The following PRDM16 variants were observed in gnomAD, a reference collection of about 807,000 sequenced individuals.
PRDM16 encodes the protein PR/SET domain 16.
A neutral mutation model predicts 110.6 loss-of-function variants in PRDM16; 23 were observed. That is an observed-to-expected ratio of 0.21 (90% CI 0.15 to 0.29). The LOEUF is 0.29. Ranked by LOEUF, PRDM16 falls within the 10% of genes least tolerant of loss-of-function variation. PRDM16 has a pLI of 1.00. For synonymous variants in PRDM16, 799 were observed against 781.8 expected (o/e 1.02, Z -0.37); for missense variants, 1,615 against 1,794.3 (o/e 0.90, Z 1.81).
intron 3 of PRDM16, among the ~76,000 whole-genome samples, chr1:3,268,214 G>A (rs768393773): frequency 1.3e-5 from 2 of 152,188 alleles, no homozygotes; most frequent in African/African-American, 4.8e-5. Flanking sequence ...CTCGGCGCGC[G>A]TCAGACCAGG....
chr1:3,384,260 C>T (rs1643157956), intron 3 of PRDM16, among the ~76,000 whole-genome samples: 1 of 152,168 alleles, frequency 6.6e-6, no homozygotes, highest in Non-Finnish European at 1.5e-5. Flanking sequence ...CCATCCCCTG[C>T]CCCCTGCCCT....
rs1443911399 is a variant in PRDM16, at chr1:3,181,730, GGTCTTACACACGGA to G, written c.38-4381_38-4368del. On this transcript the variant is annotated intron_variant, in intron 1 of 16. Transcript: ENST00000270722. ...GTCTTACACACGCAGTCTTACACAC[GGTCTTACACACGGA>G]GTCTTACACACGGTCTTACACACAG... Among the ~76,000 whole-genome samples the G allele has an allele frequency of 1.6e-3, 193 of 119,848 alleles. 2 individuals are homozygous for G. The highest frequency in any genetic ancestry group is 0.014 in the South Asian group (48 of 3,368). 78.6% of individuals were successfully genotyped at this position (119,848 alleles called of 152,430 possible).
rs1016743044 is a variant in PRDM16, at chr1:3,435,797, A to G, written c.*1986A>G. On this transcript the variant is annotated 3_prime_UTR_variant, in exon 17 of 17. Coordinates refer to ENST00000270722, the MANE Select transcript of PRDM16 (RefSeq NM_022114.4). The stretch of plus-strand genomic sequence containing the variant: ...TGGGTGCCGGGTGGTCCAGGCTTGC[A>G]CTGAAGACGTGCCACGGGGAGGCTC... The G allele has an allele frequency of 9.1e-5, 21 of 231,996 alleles. No homozygotes were observed. Among genetic ancestry groups the G allele is most frequent in the African/African-American group, 2.0e-4 (9 of 45,242 alleles). The allele number at this position is 231,996 out of a possible 1,614,324, so 14.4% of individuals were successfully genotyped here. A position where few individuals can be genotyped will look rare whatever the true frequency, so the allele number is the denominator to read the frequency against.
intron 3 of PRDM16, among the ~76,000 whole-genome samples, chr1:3,314,405 TGAG>T (rs1557601221): frequency 2.6e-5 from 4 of 152,144 alleles, no homozygotes; most frequent in Middle Eastern, 3.4e-3. Flanking sequence ...GTGTAGCTAA[TGAG>T]GTAGCAAAGA....
chr1:3,103,557 G>A (rs1642579964), intron 1 of PRDM16, among the ~76,000 whole-genome samples: 1 of 152,194 alleles, frequency 6.6e-6, no homozygotes, highest in African/African-American at 2.4e-5. Context: ...TGATAACCTC[G>A]CATACCGCCA....
chr1:3,145,839 A>AT (rs902066051), intron 1 of PRDM16, among the ~76,000 whole-genome samples: 2 of 151,942 alleles, frequency 1.3e-5, no homozygotes, highest in Admixed American at 1.3e-4. Flanking sequence ...TAATTATCTA[A>AT]TTTTTCTGAG....
intron 10 of PRDM16, among the ~76,000 whole-genome samples, chr1:3,417,136 A>G (rs1638286654): frequency 6.6e-6 from 1 of 152,236 alleles, no homozygotes. Flanking sequence ...AGCCCTGGGC[A>G]TCTCCAGGGA....
intron 3 of PRDM16, among the ~76,000 whole-genome samples, chr1:3,289,382 G>T (rs1640924270): frequency 6.6e-6 from 1 of 152,238 alleles, no homozygotes; most frequent in Non-Finnish European, 1.5e-5. Flanking sequence ...AGCCCCTGCA[G>T]GTGCCAGATG....
At chr1:3,276,650 C>T (rs143121573) in intron 3 of PRDM16, among the ~76,000 whole-genome samples, 50 of 152,392 alleles carry the variant, frequency 3.3e-4, no homozygotes, top group Non-Finnish European at 6.6e-4. Flanking sequence ...ATGTTCAGCT[C>T]GTCGGCCCCA....
intron 3 of PRDM16, among the ~76,000 whole-genome samples, chr1:3,318,009 A>G (rs904364768): frequency 6.6e-6 from 1 of 152,230 alleles, no homozygotes; most frequent in Non-Finnish European, 1.5e-5. Flanking sequence ...TGAGAGGCAC[A>G]TGAAAGGAAG....
At position 3,070,421 on chromosome 1, in the gene PRDM16, G is replaced by T. The variant is rs1242363013; in HGVS notation, c.37+1125G>T. ...GCAGGTGAGGACAGGCGGAGCCGCG[G>T]CCCGGCCAGCGCGGCTCCCGCAGCC... On this transcript the variant is annotated intron_variant, in intron 1 of 16. Transcript: ENST00000270722. Among the ~76,000 whole-genome samples the T allele has an allele frequency of 4.7e-5, 7 of 147,894 alleles. No individual in the cohort carries two copies. The South Asian group carries it at 1.4e-3, about 31-fold the overall frequency.
At chr1:3,131,602 T>C (rs530434651) in intron 1 of PRDM16, among the ~76,000 whole-genome samples, 2 of 152,304 alleles carry the variant, frequency 1.3e-5, no homozygotes, top group Non-Finnish European at 2.9e-5. Flanking sequence ...ATAATAAAAA[T>C]AATGACAGTT....
chr1:3,194,534 T>C (rs1434401363), intron 2 of PRDM16, among the ~76,000 whole-genome samples: 5 of 151,730 alleles, frequency 3.3e-5, no homozygotes, highest in Non-Finnish European at 5.9e-5. Flanking sequence ...GCAGGTCTGA[T>C]AATATCAAGG....
intron 3 of PRDM16, among the ~76,000 whole-genome samples, chr1:3,318,943 G>T (rs913165738): frequency 8.5e-5 from 13 of 152,206 alleles, no homozygotes; most frequent in Non-Finnish European, 4.4e-5. Context: ...CCTGAGCTCT[G>T]TAATTAATTC....
intron 1 of PRDM16, among the ~76,000 whole-genome samples, chr1:3,112,273 C>A (rs753732423): frequency 2.0e-5 from 3 of 152,198 alleles, no homozygotes; most frequent in Non-Finnish European, 4.4e-5. Flanking sequence ...GCAGAGGAAA[C>A]AGAAGGGAGC....
At chr1:3,284,097 G>A (rs1640794346) in intron 3 of PRDM16, among the ~76,000 whole-genome samples, 1 of 152,150 alleles carries the variant, frequency 6.6e-6, no homozygotes, top group South Asian at 2.1e-4. Flanking sequence ...CTGGGGCAGG[G>A]GCTGCTGCCC....
intron 1 of PRDM16, among the ~76,000 whole-genome samples, chr1:3,179,450 A>C (rs1644126012): frequency 6.6e-6 from 1 of 152,112 alleles, no homozygotes; most frequent in Non-Finnish European, 1.5e-5. Context: ...CTGAGGGAGG[A>C]GCACACCCTC....
chr1:3,189,073 G>T (rs1638225333), intron 2 of PRDM16, among the ~76,000 whole-genome samples: 1 of 152,220 alleles, frequency 6.6e-6, no homozygotes, highest in Non-Finnish European at 1.5e-5. Context: ...TGACTTGCGG[G>T]TGACTCCTTC....
intron 15 of PRDM16, among the ~76,000 whole-genome samples, chr1:3,431,650 C>G (rs1300984861): frequency 6.6e-6 from 1 of 152,232 alleles, no homozygotes; most frequent in Non-Finnish European, 1.5e-5. Flanking sequence ...CCCCGGGCCT[C>G]TCTGAGCTGC....
Sources: allele counts gnomAD v4.1 joint callset (sites outside exome capture counted in the v4.1 genomes callset), GRCh38; gene constraint gnomAD v4.1.1; transcripts MANE v1.5; gene names NCBI Gene and HGNC (gene_info 2026-07-23, HGNC 2026-07-21).